The following C3orf70 variants were observed in gnomAD, a reference collection of about 807,000 sequenced individuals.
C3orf70 encodes the protein UPF0524 protein C3orf70.
A neutral mutation model predicts 20.7 loss-of-function variants in C3orf70; 15 were observed. The observed-to-expected ratio is 0.72, with a 90% CI of 0.48 to 1.11. The LOEUF (loss-of-function observed/expected upper bound fraction) is 1.11. C3orf70 is among the 50% of genes most tolerant of loss of function. C3orf70 has a pLI of 0.00. For synonymous variants in C3orf70, 161 were observed against 125.7 expected, an observed-to-expected ratio of 1.28 and a Z score of -1.88; for missense variants, 332 against 317.6, an observed-to-expected ratio of 1.05 and a Z score of -0.34.
At chr3:185,111,168 G>A (rs1449551308) in intron 1 of C3orf70, among the ~76,000 whole-genome samples, 1 of 152,068 alleles carries the variant, frequency 6.6e-6, no homozygotes, top group Non-Finnish European at 1.5e-5. Context: ...AGAATACATA[G>A]GAATAAATCT....
intron 1 of C3orf70, among the ~76,000 whole-genome samples, chr3:185,102,847 A>G (rs1715848481): frequency 6.6e-6 from 1 of 152,246 alleles, no homozygotes. Flanking sequence ...ATAACTGGCT[A>G]CCCATATGCA....
In C3orf70 at chr3:185,136,907, CA is replaced by C. The variant is rs1716638869; in HGVS notation, c.196+15720del. ...CCTGGGTGACAGAGCAAGACTGTCT[CA>C]AAACAACAACAACAACAACAACAAC... On this transcript the variant is annotated intron_variant, in intron 1 of 1. Transcript: ENST00000335012. Among the ~76,000 whole-genome samples, 4 of 116,304 alleles carry C rather than the reference CA, an allele frequency of 3.4e-5. No individual in the cohort carries two copies. The Admixed American group carries it at 3.7e-4, about 11-fold the overall frequency. 76.3% of individuals were successfully genotyped at this position (116,304 alleles called of 152,430 possible).
chr3:185,125,105 C>T (rs561786623), intron 1 of C3orf70, among the ~76,000 whole-genome samples: 3 of 152,228 alleles, frequency 2.0e-5, no homozygotes, highest in East Asian at 1.9e-4. Flanking sequence ...TTTGGCCGGG[C>T]GCAGTGGCTC....
chr3:185,128,612 T>C (rs1170154368), intron 1 of C3orf70, among the ~76,000 whole-genome samples: 1 of 152,140 alleles, frequency 6.6e-6, no homozygotes, highest in Non-Finnish European at 1.5e-5. Flanking sequence ...TAAATGGATT[T>C]GTATCTGATT....
intron 1 of C3orf70, among the ~76,000 whole-genome samples, chr3:185,109,581 G>A (rs1440799092): frequency 6.6e-6 from 1 of 152,196 alleles, no homozygotes; most frequent in Non-Finnish European, 1.5e-5. Flanking sequence ...AAAACCGGAG[G>A]AAAGGGGGAC....
intron 1 of C3orf70, among the ~76,000 whole-genome samples, chr3:185,086,006 AT>A (rs1420050047): frequency 1.3e-5 from 2 of 152,142 alleles, no homozygotes; most frequent in Non-Finnish European, 2.9e-5. Flanking sequence ...GTATATGCTG[AT>A]TAGGTTCATC....
chr3:185,090,886 A>G (rs967652982), intron 1 of C3orf70, among the ~76,000 whole-genome samples: 5 of 152,226 alleles, frequency 3.3e-5, no homozygotes, highest in Admixed American at 1.3e-4. Context: ...ATTCTCAATC[A>G]GAAATATATG....
At chr3:185,094,571 G>A (rs1254020880) in intron 1 of C3orf70, among the ~76,000 whole-genome samples, 1 of 151,900 alleles carries the variant, frequency 6.6e-6, no homozygotes, top group Non-Finnish European at 1.5e-5. Flanking sequence ...AAACCAGCAC[G>A]ATGGAGCCCT....
chr3:185,096,419 A>G (rs1348060690), intron 1 of C3orf70, among the ~76,000 whole-genome samples: 1 of 152,214 alleles, frequency 6.6e-6, no homozygotes, highest in African/African-American at 2.4e-5. Context: ...AAAGGGAGTC[A>G]TTCCACAGTA....
chr3:185,138,243 T>C (rs935791640), intron 1 of C3orf70, among the ~76,000 whole-genome samples: 2 of 152,064 alleles, frequency 1.3e-5, no homozygotes, highest in Non-Finnish European at 2.9e-5. Context: ...ATTGAATTAG[T>C]AATTTTTAAA....
chr3:185,110,253 C>A (rs62289774), intron 1 of C3orf70, among the ~76,000 whole-genome samples: 9,028 of 152,216 alleles, frequency 0.059, 376 homozygotes, highest in South Asian at 0.1. Flanking sequence ...TTGGCTATTG[C>A]AAAATTAAAG....
chr3:185,079,382 T>A lies in C3orf70; in HGVS notation c.*3625A>T, dbSNP rs1244798362. The A allele has an allele frequency of 6.6e-6, 1 of 152,050 alleles. No homozygotes were observed. Among genetic ancestry groups the A allele is most frequent in the African/African-American group, 2.4e-5 (1 of 41,406 alleles). The allele number at this position is 152,050 out of a possible 1,614,324, so 9.4% of individuals were successfully genotyped here. A position where few individuals can be genotyped will look rare whatever the true frequency, so the allele number is the denominator to read the frequency against. ...GCAACTACGTTGTTTTGTTCTGCTC[T>A]TGGTGCTTTTGTTTTTGTTTTATTT... On this transcript the variant is annotated 3_prime_UTR_variant, in exon 2 of 2. Coordinates refer to ENST00000335012, the MANE Select transcript of C3orf70 (RefSeq NM_001025266.3).
rs907431944 is a variant in C3orf70 at position 185,145,783 on chromosome 3, T to C, written c.196+6845A>G. Among the ~76,000 whole-genome samples, 4 of 152,226 alleles carry C rather than the reference T, an allele frequency of 2.6e-5. No individual in the cohort carries two copies. In the East Asian group the frequency reaches 7.7e-4, roughly 29 times the overall value. On this transcript the variant is annotated intron_variant, in intron 1 of 1. Coordinates refer to ENST00000335012, the MANE Select transcript of C3orf70 (RefSeq NM_001025266.3). ...TAACAGTACCTACTTCACAAGATTG[T>C]TGTGACGTTTAAATGAGCAAACACA...
chr3:185,126,697 G>GA (rs1350471722), intron 1 of C3orf70, among the ~76,000 whole-genome samples: 2 of 152,090 alleles, frequency 1.3e-5, no homozygotes, highest in Admixed American at 6.6e-5. Context: ...CAATCATGGG[G>GA]AAAAAATAGG....
chr3:185,121,193 G>T (rs115163450), intron 1 of C3orf70, among the ~76,000 whole-genome samples: 2 of 152,162 alleles, frequency 1.3e-5, no homozygotes, highest in East Asian at 3.9e-4. Context: ...ATGCAAAGGG[G>T]TAAGAATGAT....
chr3:185,099,919 C>G (rs1186912015), intron 1 of C3orf70, among the ~76,000 whole-genome samples: 1 of 152,216 alleles, frequency 6.6e-6, no homozygotes, highest in African/African-American at 2.4e-5. Context: ...ACCCTAATTT[C>G]ACATAAAACA....
chr3:185,090,838 G>C (rs1017964669), intron 1 of C3orf70, among the ~76,000 whole-genome samples: 3 of 152,090 alleles, frequency 2.0e-5, no homozygotes, highest in African/African-American at 7.2e-5. Context: ...TTTGAGCTGT[G>C]AGGACGCTAA....
At chr3:185,093,711 A>ATT (rs1336864980) in intron 1 of C3orf70, among the ~76,000 whole-genome samples, 1 of 152,126 alleles carries the variant, frequency 6.6e-6, no homozygotes, top group African/African-American at 2.4e-5. Flanking sequence ...TGGAATGTAA[A>ATT]TTTAAAAAGA....
intron 1 of C3orf70, among the ~76,000 whole-genome samples, chr3:185,095,640 ATTAACTTAG>A (rs889845435): frequency 3.9e-5 from 6 of 152,120 alleles, no homozygotes; most frequent in Admixed American, 1.3e-4. Context: ...TTTTTAAAAG[ATTAACTTAG>A]TTAAAACTTT....
Sources: gnomAD v4.1 joint callset for allele counts (sites outside exome capture counted in the v4.1 genomes callset) on GRCh38, gnomAD v4.1.1 for gene constraint, MANE v1.5 for transcripts, NCBI Gene and HGNC (gene_info 2026-07-23, HGNC 2026-07-21) for gene names.